EPB42: variants seen among roughly 807,000 people sequenced by gnomAD.
The protein encoded by EPB42 is erythrocyte membrane protein band 4.2.
EPB42 carries 49 observed loss-of-function variants against 76.9 expected under a neutral mutation model. The ratio of observed to expected loss-of-function variants is 0.64; its 90% confidence interval spans 0.51 to 0.81. The LOEUF is 0.81. Among genes scored for constraint, EPB42 ranks in the 30% least tolerant of loss-of-function variants. EPB42 has a pLI of 0.00. For synonymous variants in EPB42, 310 were observed against 338.4 expected (o/e 0.92, Z 0.92); for missense variants, 731 against 867.6 (o/e 0.84, Z 1.98).
rs1396606165 is a variant in EPB42 at position 43,207,404 on chromosome 15, G to A, written c.1113C>T (p.Val371=). 2 of 1,613,894 alleles carry A rather than the reference G, an allele frequency of 1.2e-6. No homozygotes were observed. Among genetic ancestry groups the A allele is most frequent in the Non-Finnish European group, 1.7e-6 (2 of 1,180,036 alleles). Residue 371 remains valine, a synonymous_variant, in exon 9 of 13, where the codon GTC becomes GTT. Coordinates refer to ENST00000441366, the MANE Select transcript of EPB42 (RefSeq NM_001114134.2). ...GGGTCAGCCCCAGCGTCCCCTCCTT[G>A]ACTGCTCTGACCGGCACCAGATCAC... ...GSCDLVPVRA[V]KEGTLGLTPA... is the part of the protein sequence containing the mutation.
intron 3 of EPB42, 124 bp downstream of exon 3, chr15:43,214,971 T>C: frequency 1.2e-6 from 1 of 830,802 alleles, no homozygotes; most frequent in South Asian, 1.4e-5. Flanking sequence ...AGACTGGGTG[T>C]TGGTGCTGTC....
upstream of EPB42, among the ~76,000 whole-genome samples, chr15:43,223,941 C>T (rs2142338841): frequency 6.6e-6 from 1 of 152,110 alleles, no homozygotes; most frequent in Non-Finnish European, 1.5e-5. Flanking sequence ...CCACTGTATT[C>T]CAGCCTTGAC....
intron 10 of EPB42, among the ~76,000 whole-genome samples, chr15:43,205,509 C>T (rs2042189160): frequency 6.6e-6 from 1 of 152,176 alleles, no homozygotes; most frequent in African/African-American, 2.4e-5. Context: ...AAGCGATTCT[C>T]CTGCCTCAGT....
chr15:43,200,798 T>C (rs2042113060), intron 12 of EPB42, among the ~76,000 whole-genome samples: 1 of 142,968 alleles, frequency 7.0e-6, no homozygotes. Context: ...CCTGGGTATA[T>C]ATCCCCAGAC....
In EPB42 at chr15:43,216,411, T is replaced by C; in HGVS notation, c.53A>G (p.Asn18Ser). The C allele has an allele frequency of 6.2e-7, 1 of 1,614,200 alleles. No homozygotes were observed. The highest frequency in any genetic ancestry group is 1.3e-5 in the African/African-American group (1 of 75,042). ...GAGGGCCTTGGTGTGGTGCTCCTCA[T>C]TGTTTCTTGCTGCCTGAAAGTCACA... Reference protein sequence around the residue: ...KSCDFQAARNNEEHHTKALSS... With the variant: ...KSCDFQAARNSEEHHTKALSS... Residue 18 changes from asparagine to serine, a missense_variant, in exon 2 of 13, where the codon AAT (asparagine) becomes AGT (serine). Transcript: ENST00000441366.
At chr15:43,217,324 TG>T (rs1189736938) in intron 1 of EPB42, among the ~76,000 whole-genome samples, 1 of 152,186 alleles carries the variant, frequency 6.6e-6, no homozygotes, top group Non-Finnish European at 1.5e-5. Flanking sequence ...CATTCTGCCA[TG>T]ATTGTAAGTT....
intron 1 of EPB42, among the ~76,000 whole-genome samples, chr15:43,218,958 C>T (rs961655909): frequency 2.6e-5 from 4 of 152,242 alleles, no homozygotes; most frequent in Non-Finnish European, 5.9e-5. Context: ...GAATGCTCTT[C>T]AGAGGTGCAC....
At chr15:43,212,949 T>C (rs2042323000) in intron 3 of EPB42, among the ~76,000 whole-genome samples, 1 of 152,050 alleles carries the variant, frequency 6.6e-6, no homozygotes, top group South Asian at 2.1e-4. Context: ...TCTGGAGCCC[T>C]CCAGGGATCC....
At chr15:43,216,883 T>C (rs1238348903) in intron 1 of EPB42, among the ~76,000 whole-genome samples, 1 of 152,204 alleles carries the variant, frequency 6.6e-6, no homozygotes, top group Non-Finnish European at 1.5e-5. Context: ...GAGCTAGTTT[T>C]GAGATCACTG....
At chr15:43,217,782 C>T (rs118011588) in intron 1 of EPB42, among the ~76,000 whole-genome samples, 5,559 of 152,214 alleles carry the variant, frequency 0.037, 146 homozygotes, top group Non-Finnish European at 0.052. Flanking sequence ...GACTACAAGA[C>T]GGATCTTGTC....
Position 43,216,454 on chromosome 15 carries a change from C to A in EPB42, c.11-1G>T. 6.2e-7 allele frequency: 1 copy of A among 1,614,058 alleles called. No individual in the cohort carries two copies. The highest frequency in any genetic ancestry group is 8.5e-7 in the Non-Finnish European group (1 of 1,180,020). On this transcript the variant is annotated splice_acceptor_variant, in intron 1 of 12. Coordinates refer to ENST00000441366, the MANE Select transcript of EPB42 (RefSeq NM_001114134.2). LOFTEE classifies it high-confidence loss of function. ...AAGTCACAGCTCTTGATACCCAGGGCTGTTGTGGGAAAGAGAGAAGTCACG... is the reference window on the plus strand; with the variant it reads ...AAGTCACAGCTCTTGATACCCAGGGATGTTGTGGGAAAGAGAGAAGTCACG...
At chr15:43,220,614 G>A in intron 1 of EPB42, 1 of 993,864 alleles carries the variant, frequency 1.0e-6, no homozygotes, top group Non-Finnish European at 1.6e-6. Context: ...TCCACAGCCA[G>A]CTCACTATCA....
In EPB42 at chr15:43,211,495, T is replaced by G; in HGVS notation, c.470A>C (p.Glu157Ala). The G allele has an allele frequency of 6.2e-7, 1 of 1,614,054 alleles. No individual in the cohort carries two copies. The highest frequency in any genetic ancestry group is 8.5e-7 in the Non-Finnish European group (1 of 1,179,922). ...GAGACCATTCTGGTTCAACAAGTACTCCATGCGCTGAGCCTCATTCTTCAG... is the reference window on the plus strand; with the variant it reads ...GAGACCATTCTGGTTCAACAAGTACGCCATGCGCTGAGCCTCATTCTTCAG... ...VFLKNEAQRM[E>A]YLLNQNGLIY... Residue 157 changes from glutamate to alanine, a missense_variant, in exon 4 of 13, where the codon GAG becomes GCG. Glu to Ala is a moderately radical substitution (Grantham distance 107). Coordinates refer to ENST00000441366, the MANE Select transcript of EPB42 (RefSeq NM_001114134.2).
intron 3 of EPB42, among the ~76,000 whole-genome samples, chr15:43,213,998 TGTTTCCGTCA>T (rs1396403412): frequency 6.6e-6 from 1 of 152,170 alleles, no homozygotes; most frequent in Non-Finnish European, 1.5e-5. Flanking sequence ...CACCTCCCCA[TGTTTCCGTCA>T]GTTTCCCAGC....
chr15:43,220,357 T>G (rs565745630), intron 1 of EPB42, among the ~76,000 whole-genome samples: 1 of 152,288 alleles, frequency 6.6e-6, no homozygotes, highest in South Asian at 2.1e-4. Context: ...CTCTCCCATT[T>G]GGTGTAGAAG....
At chr15:43,209,758 TC>T in intron 5 of EPB42, 1 of 381,676 alleles carries the variant, frequency 2.6e-6, no homozygotes. Flanking sequence ...CCACCCTGAC[TC>T]GTTTGAGGTG....
intron 1 of EPB42, among the ~76,000 whole-genome samples, chr15:43,220,465 T>G (rs1395774561): frequency 6.6e-6 from 1 of 152,094 alleles, no homozygotes; most frequent in Non-Finnish European, 1.5e-5. Flanking sequence ...TATAAATCCA[T>G]GTTAACCACC....
chr15:43,207,863 C>T (rs1363219852), intron 8 of EPB42, among the ~76,000 whole-genome samples: 1 of 152,184 alleles, frequency 6.6e-6, no homozygotes, highest in East Asian at 1.9e-4. Flanking sequence ...CTTTTCTGGG[C>T]TTGAGCCTAT....
upstream of EPB42, among the ~76,000 whole-genome samples, chr15:43,225,645 G>A (rs1490678793): frequency 2.0e-5 from 3 of 152,180 alleles, no homozygotes; most frequent in African/African-American, 7.2e-5. Context: ...TATTCCAGCA[G>A]GGGGAGACAA....
Sources: allele counts gnomAD v4.1 joint callset (sites outside exome capture counted in the v4.1 genomes callset), GRCh38; gene constraint gnomAD v4.1.1; transcripts MANE v1.5; gene names NCBI Gene and HGNC (gene_info 2026-07-23, HGNC 2026-07-21).